CNTN5: variants seen among roughly 807,000 people sequenced by gnomAD.
CNTN5 encodes contactin 5, also known as contactin-5.
Under a neutral mutation model 129.1 loss-of-function variants are expected in CNTN5, and 77 were observed. The ratio of observed to expected loss-of-function variants is 0.60; its 90% CI spans 0.50 to 0.72. The LOEUF is 0.72. CNTN5 is among the 30% of genes least tolerant of loss of function. The pLI, the probability that CNTN5 is intolerant of heterozygous loss-of-function variation, is 0.00. For synonymous variants in CNTN5, 509 were observed against 465.6 expected (o/e 1.09, Z -1.20); for missense variants, 1,478 against 1,328.8 (o/e 1.11, Z -1.75).
intron 15 of CNTN5, among the ~76,000 whole-genome samples, chr11:100,201,222 T>C (rs888654385): frequency 6.6e-6 from 1 of 151,958 alleles, no homozygotes. Flanking sequence ...CTGATATACA[T>C]AACAAACTTC....
At chr11:100,346,497 A>T (rs936635517) in intron 23 of CNTN5, among the ~76,000 whole-genome samples, 1 of 152,168 alleles carries the variant, frequency 6.6e-6, no homozygotes, top group Non-Finnish European at 1.5e-5. Flanking sequence ...CTATGCTTTC[A>T]CTTCAGCAAA....
chr11:99,916,172 G>A, intron 7 of CNTN5, 23 bp downstream of exon 7: 1 of 1,522,896 alleles, frequency 6.6e-7, no homozygotes, highest in Non-Finnish European at 9.1e-7. Context: ...CTCATTCTTT[G>A]CTGCTGCTGC....
At chr11:99,285,021 T>G (rs1462813027) in intron 1 of CNTN5, among the ~76,000 whole-genome samples, 1 of 152,076 alleles carries the variant, frequency 6.6e-6, no homozygotes, top group African/African-American at 2.4e-5. Flanking sequence ...TTTTTAAAAT[T>G]TTTTATAAAA....
intron 18 of CNTN5, among the ~76,000 whole-genome samples, chr11:100,287,441 G>A (rs577299767): frequency 6.6e-6 from 1 of 150,856 alleles, no homozygotes; most frequent in Middle Eastern, 3.4e-3. Flanking sequence ...GAAGAGAGTG[G>A]GGGCCAATAT....
At chr11:99,752,560 G>A (rs1944269611) in intron 3 of CNTN5, among the ~76,000 whole-genome samples, 1 of 152,162 alleles carries the variant, frequency 6.6e-6, no homozygotes, top group Admixed American at 6.5e-5. Flanking sequence ...GTTATAATTT[G>A]TGTTTTGTAT....
chr11:99,476,809 A>T (rs1453000062), intron 2 of CNTN5, among the ~76,000 whole-genome samples: 1 of 152,140 alleles, frequency 6.6e-6, no homozygotes, highest in African/African-American at 2.4e-5. Flanking sequence ...ATGTTTAATC[A>T]ACTGATCCTT....
At chr11:99,365,377 T>C (rs1939380883) in intron 2 of CNTN5, among the ~76,000 whole-genome samples, 1 of 152,210 alleles carries the variant, frequency 6.6e-6, no homozygotes, top group Non-Finnish European at 1.5e-5. Flanking sequence ...TTCATACTTT[T>C]AGAAAGTGGT....
intron 2 of CNTN5, among the ~76,000 whole-genome samples, chr11:99,477,133 T>A (rs1945401594): frequency 6.6e-6 from 1 of 151,964 alleles, no homozygotes; most frequent in Admixed American, 6.6e-5. Context: ...TTAGTTAATA[T>A]CCTTAAATGA....
intron 13 of CNTN5, among the ~76,000 whole-genome samples, chr11:100,099,694 T>C (rs1945152903): frequency 6.6e-6 from 1 of 152,002 alleles, no homozygotes; most frequent in South Asian, 2.1e-4. Context: ...TATCATTCAA[T>C]TTATAGTTTC....
At chr11:99,501,711 T>A (rs1946434465) in intron 2 of CNTN5, among the ~76,000 whole-genome samples, 1 of 152,248 alleles carries the variant, frequency 6.6e-6, no homozygotes, top group Admixed American at 6.5e-5. Flanking sequence ...ATTAGTGCTT[T>A]ATTTATAAAA....
chr11:99,497,823 G>A lies in CNTN5; in HGVS notation c.-70-58322G>A, dbSNP rs184602728. Among the ~76,000 whole-genome samples, 8 of 152,198 alleles carry A rather than the reference G, an allele frequency of 5.3e-5. No homozygotes were observed. The East Asian group carries it at 7.7e-4, about 15-fold the overall frequency. On this transcript the variant is annotated intron_variant, in intron 2 of 24. Coordinates refer to ENST00000524871, the MANE Select transcript of CNTN5 (RefSeq NM_014361.4). Reference sequence around the variant, plus strand: ...AAATGGGGACATACTAGGAATCATCGTTTTCACATCAGAAAACTGCTTGTT... The same window carrying A: ...AAATGGGGACATACTAGGAATCATCATTTTCACATCAGAAAACTGCTTGTT...
chr11:99,921,711 C>T (rs748676679), intron 7 of CNTN5, among the ~76,000 whole-genome samples: 6 of 152,110 alleles, frequency 3.9e-5, no homozygotes, highest in Non-Finnish European at 7.4e-5. Context: ...ACTGTTATTA[C>T]CCCATTGCCT....
chr11:99,898,107 C>T (rs974605350), intron 6 of CNTN5, among the ~76,000 whole-genome samples: 1 of 150,928 alleles, frequency 6.6e-6, no homozygotes, highest in African/African-American at 2.4e-5. Flanking sequence ...GCATTAAATG[C>T]CTACATAAAA....
intron 2 of CNTN5, among the ~76,000 whole-genome samples, chr11:99,327,061 A>G (rs993783525): frequency 2.0e-5 from 3 of 151,696 alleles, no homozygotes; most frequent in Non-Finnish European, 4.4e-5. Flanking sequence ...CAAACTCTAT[A>G]TTTTTTTTTA....
In CNTN5 at chr11:99,611,351, C is replaced by T. The variant is rs188122530; in HGVS notation, c.55+55082C>T. 3.7e-3 allele frequency among the ~76,000 whole-genome samples: 569 copies of T among 152,216 alleles called. 3 individuals carry two copies. Among genetic ancestry groups the T allele is most frequent in the South Asian group, 5.6e-3 (27 of 4,828 alleles). ...ACCAGTATTTAGAGATTCCCCCAAACAGATATAATTCATCTGAGTAAAATA... is the reference window on the plus strand; with the variant it reads ...ACCAGTATTTAGAGATTCCCCCAAATAGATATAATTCATCTGAGTAAAATA... On this transcript the variant is annotated intron_variant, in intron 3 of 24. Coordinates refer to ENST00000524871, the MANE Select transcript of CNTN5 (RefSeq NM_014361.4).
chr11:99,941,032 C>T lies in CNTN5; in HGVS notation c.674-15774C>T, dbSNP rs148251485. ...AAAAACATTGGGACATAGAAATGTG[C>T]TTACAGGTCTTCCAGTTCATTTAAA... On this transcript the variant is annotated intron_variant, in intron 7 of 24. Transcript: ENST00000524871. 1.1e-3 allele frequency among the ~76,000 whole-genome samples: 167 copies of T among 152,198 alleles called. 2 individuals carry two copies. The highest frequency in any genetic ancestry group is 3.8e-3 in the African/African-American group (158 of 41,544).
At chr11:99,558,581 A>C (rs1185834141) in intron 3 of CNTN5, among the ~76,000 whole-genome samples, 1 of 152,018 alleles carries the variant, frequency 6.6e-6, no homozygotes, top group Non-Finnish European at 1.5e-5. Context: ...TCAAATAAAC[A>C]GTCCCTGCAA....
At chr11:99,191,202 G>A (rs1054316174) in intron 1 of CNTN5, among the ~76,000 whole-genome samples, 1 of 151,628 alleles carries the variant, frequency 6.6e-6, no homozygotes, top group Non-Finnish European at 1.5e-5. Context: ...ACTTGATCAT[G>A]GTGAATAATC....
intron 2 of CNTN5, among the ~76,000 whole-genome samples, chr11:99,549,917 T>C (rs551330803): frequency 6.6e-6 from 1 of 152,284 alleles, no homozygotes; most frequent in South Asian, 2.1e-4. Flanking sequence ...AACCATACTT[T>C]TTCTACTCTT....
Sources: allele counts gnomAD v4.1 joint callset (sites outside exome capture counted in the v4.1 genomes callset), GRCh38; gene constraint gnomAD v4.1.1; transcripts MANE v1.5; gene names NCBI Gene and HGNC (gene_info 2026-07-23, HGNC 2026-07-21).